BCAR3: variants seen among roughly 807,000 people sequenced by gnomAD.
BCAR3 encodes the protein breast cancer anti-estrogen resistance protein 3.
Under a neutral mutation model 80.1 loss-of-function variants are expected in BCAR3, and 37 were observed. The observed-to-expected ratio is 0.46, with a 90% CI of 0.36 to 0.61. The LOEUF is 0.61. Ranked by LOEUF, BCAR3 falls within the 20% of genes least tolerant of loss-of-function variation. The pLI is 0.00. For missense variants in BCAR3, 978 were observed against 1,068.2 expected (o/e 0.92, Z 1.18); for synonymous variants, 389 against 418.9 (o/e 0.93, Z 0.87).
At chr1:93,720,020 T>A (rs1650337422) in intron 2 of BCAR3, among the ~76,000 whole-genome samples, 1 of 152,238 alleles carries the variant, frequency 6.6e-6, no homozygotes, top group Admixed American at 6.5e-5. Flanking sequence ...GTAATTTTCC[T>A]GGGCACTGGT....
chr1:93,635,830 C>T (rs1675763785), intron 3 of BCAR3, among the ~76,000 whole-genome samples: 1 of 152,216 alleles, frequency 6.6e-6, no homozygotes, highest in South Asian at 2.1e-4. Flanking sequence ...AAGTCCCTTT[C>T]ATGGCTTTGT....
At chr1:93,830,468 G>A (rs1167113561) in intron 2 of BCAR3, among the ~76,000 whole-genome samples, 1 of 151,900 alleles carries the variant, frequency 6.6e-6, no homozygotes, top group Admixed American at 6.6e-5. Context: ...ATTTGTTCCC[G>A]CCCCACCTTA....
Position 93,592,563 on chromosome 1 carries a change from C to T in BCAR3, c.358-170G>A, listed in dbSNP as rs1343376536. On this transcript the variant is annotated intron_variant, in intron 3 of 11. Coordinates refer to ENST00000260502, the MANE Select transcript of BCAR3 (RefSeq NM_003567.4). This position sits in a 1 kb window ranked among gnomAD's most constrained non-coding sequence, Gnocchi z 4.8. ...AGCTGTGACCTTTCGTTTCTCCGGC[C>T]GCAACCATGTAATAAAATTTTCACC... The T allele has an allele frequency of 1.8e-5, 16 of 866,754 alleles. No individual in the cohort carries two copies. Among genetic ancestry groups the T allele is most frequent in the East Asian group, 9.1e-5 (3 of 33,096 alleles). The allele number at this position is 866,754 out of a possible 1,614,324, so 53.7% of individuals were successfully genotyped here.
chr1:93,604,641 T>A (rs1674722211), intron 3 of BCAR3, among the ~76,000 whole-genome samples: 1 of 152,208 alleles, frequency 6.6e-6, no homozygotes, highest in Admixed American at 6.5e-5. Context: ...CCACAGTCAT[T>A]CTCTGGGCAA....
At chr1:93,748,237 G>A (rs1363648183) in intron 2 of BCAR3, among the ~76,000 whole-genome samples, 2 of 152,202 alleles carry the variant, frequency 1.3e-5, no homozygotes, top group Non-Finnish European at 2.9e-5. Context: ...AATGTCCACT[G>A]TTTGGGGCTA....
intron 3 of BCAR3, chr1:93,605,529 C>T (rs1334698771): frequency 6.6e-6 from 1 of 152,248 alleles, no homozygotes; most frequent in South Asian, 2.1e-4. Context: ...AGAACAAAGA[C>T]TGCCCTGGCT....
chr1:93,654,325 G>A (rs1249936608), intron 2 of BCAR3, among the ~76,000 whole-genome samples: 1 of 152,186 alleles, frequency 6.6e-6, no homozygotes, highest in Admixed American at 6.5e-5. Flanking sequence ...TGCCGCTGGT[G>A]CAGTGTTATG....
At chr1:93,834,975 G>A (rs1177938662) in intron 2 of BCAR3, among the ~76,000 whole-genome samples, 3 of 152,032 alleles carry the variant, frequency 2.0e-5, no homozygotes, top group African/African-American at 4.8e-5. Context: ...TATCGATGGC[G>A]GTTCCACCAG....
chr1:93,603,785 AAGG>A (rs1376853971), intron 3 of BCAR3, among the ~76,000 whole-genome samples: 4 of 152,180 alleles, frequency 2.6e-5, no homozygotes, highest in African/African-American at 9.7e-5. Flanking sequence ...GCTGTGATGG[AAGG>A]AGGACTCCAT....
chr1:93,626,068 G>C (rs934150769), intron 3 of BCAR3, among the ~76,000 whole-genome samples: 1 of 152,176 alleles, frequency 6.6e-6, no homozygotes, highest in Non-Finnish European at 1.5e-5. Context: ...GCACTTTATA[G>C]TATATGATGA....
intron 3 of BCAR3, chr1:93,613,992 G>A (rs990123960): frequency 2.1e-5 from 33 of 1,544,980 alleles, no homozygotes; most frequent in African/African-American, 4.1e-5. Flanking sequence ...AGGGGGCTTC[G>A]GACGTTAAAG....
At chr1:93,659,366 ATTTTTTT>A (rs1647541729) in intron 2 of BCAR3, among the ~76,000 whole-genome samples, 1 of 151,266 alleles carries the variant, frequency 6.6e-6, no homozygotes, top group South Asian at 2.1e-4. Flanking sequence ...TTTATTTTTT[ATTTTTTT>A]GTAGAGATGG....
At chr1:93,786,548 G>T (rs749993769) in intron 2 of BCAR3, among the ~76,000 whole-genome samples, 1 of 152,148 alleles carries the variant, frequency 6.6e-6, no homozygotes, top group Non-Finnish European at 1.5e-5. Context: ...ATTGCTTTAA[G>T]TCACTAAGCT....
intron 2 of BCAR3, among the ~76,000 whole-genome samples, chr1:93,768,152 G>C (rs1221072030): frequency 6.6e-6 from 1 of 152,160 alleles, no homozygotes; most frequent in African/African-American, 2.4e-5. Flanking sequence ...AGAGTCAATG[G>C]CCAGAGCAGC....
At chr1:93,845,167 T>C (rs569556613) in intron 2 of BCAR3, among the ~76,000 whole-genome samples, 1 of 152,062 alleles carries the variant, frequency 6.6e-6, no homozygotes, top group African/African-American at 2.4e-5. Context: ...ATCACGTCAA[T>C]GACTCCTCAT....
chr1:93,814,687 C>A (rs545719127), intron 2 of BCAR3, among the ~76,000 whole-genome samples: 1 of 152,196 alleles, frequency 6.6e-6, no homozygotes. Context: ...GCTGTTACAC[C>A]GGCATCCACT....
At chr1:93,639,521 G>T (rs1675914326) in intron 3 of BCAR3, among the ~76,000 whole-genome samples, 2 of 145,338 alleles carry the variant, frequency 1.4e-5, no homozygotes, top group Admixed American at 1.4e-4. Context: ...TTGTCACCCA[G>T]GCTGCAGTGC....
At chr1:93,562,768 CAAAAAAAAAAAAA>C (rs35374992) in intron 11 of BCAR3, among the ~76,000 whole-genome samples, 1 of 76,898 alleles carries the variant, frequency 1.3e-5, no homozygotes, top group African/African-American at 5.6e-5. Context: ...GACTCCATCT[CAAAAAAAAAAAAA>C]AAAAAAAAAA....
chr1:93,729,664 C>T (rs1275109815), intron 2 of BCAR3, among the ~76,000 whole-genome samples: 1 of 152,152 alleles, frequency 6.6e-6, no homozygotes, highest in African/African-American at 2.4e-5. Context: ...GGGAGCCAGG[C>T]CTTGATACCT....
Sources: gnomAD v4.1 joint callset for allele counts (sites outside exome capture counted in the v4.1 genomes callset) on GRCh38, gnomAD v4.1.1 for gene constraint, Gnocchi (gnomAD v3.1) non-coding constraint, MANE v1.5 for transcripts, NCBI Gene and HGNC (gene_info 2026-07-23, HGNC 2026-07-21) for gene names.